IQGAP2: variants seen among roughly 807,000 people sequenced by gnomAD.
IQGAP2 encodes the protein IQ motif containing GTPase activating protein 2.
Under a neutral mutation model 201.3 loss-of-function variants are expected in IQGAP2, and 173 were observed. That is an observed-to-expected ratio of 0.86 (90% CI 0.76 to 0.98). The LOEUF (loss-of-function observed/expected upper bound fraction) is 0.98, where lower values mean the gene tolerates loss of function less well. Among genes scored for constraint, IQGAP2 ranks in the 50% least tolerant of loss-of-function variants. The pLI, the probability that IQGAP2 is intolerant of heterozygous loss-of-function variation, is 0.00. For missense variants in IQGAP2, 1,687 were observed against 1,864.8 expected (o/e 0.90, Z 1.76); for synonymous variants, 675 against 673.9 (o/e 1.00, Z -0.03).
intron 1 of IQGAP2, among the ~76,000 whole-genome samples, chr5:76,457,415 A>T (rs929922714): frequency 2.0e-5 from 3 of 152,176 alleles, no homozygotes; most frequent in South Asian, 2.1e-4. Flanking sequence ...ATATCCCTCA[A>T]ATCTAAGCAT....
At chr5:76,415,228 A>C (rs1032868125) in intron 1 of IQGAP2, among the ~76,000 whole-genome samples, 6 of 152,260 alleles carry the variant, frequency 3.9e-5, no homozygotes, top group Admixed American at 6.5e-5. Flanking sequence ...AATGTGGACA[A>C]AATAGAACAG....
At chr5:76,681,323 G>A (rs533196147) in intron 28 of IQGAP2, among the ~76,000 whole-genome samples, 37 of 152,050 alleles carry the variant, frequency 2.4e-4, no homozygotes, top group Middle Eastern at 3.4e-3. Context: ...CAAATCACAT[G>A]TCTGGTAAAG....
At chr5:76,655,752 A>G (rs1752861469) in intron 20 of IQGAP2, among the ~76,000 whole-genome samples, 2 of 152,214 alleles carry the variant, frequency 1.3e-5, no homozygotes, top group Non-Finnish European at 2.9e-5. Context: ...AAATTTGTAG[A>G]AAGTTTGAAA....
intron 2 of IQGAP2, among the ~76,000 whole-genome samples, chr5:76,553,783 A>G (rs577133581): frequency 6.6e-6 from 1 of 152,304 alleles, no homozygotes; most frequent in African/African-American, 2.4e-5. Flanking sequence ...TTGCTTTGAA[A>G]CAAGACATTC....
chr5:76,624,938 G>T (rs541842614), intron 13 of IQGAP2, among the ~76,000 whole-genome samples: 2 of 152,304 alleles, frequency 1.3e-5, no homozygotes, highest in South Asian at 4.1e-4. Flanking sequence ...GCTGAGCGTG[G>T]TGGCGGGCGC....
rs77945199 is a variant in IQGAP2 at position 76,608,546 on chromosome 5, G to T, written c.1357+2243G>T. Reference sequence around the variant, plus strand: ...GAGGAGCTGAGAATTTTTCATGGACGTTTTGAAGGTGCATTACTCTTGCCT... The same window carrying T: ...GAGGAGCTGAGAATTTTTCATGGACTTTTTGAAGGTGCATTACTCTTGCCT... On this transcript the variant is annotated intron_variant, in intron 12 of 35. Coordinates refer to ENST00000274364, the MANE Select transcript of IQGAP2 (RefSeq NM_006633.5). 8.7e-3 allele frequency among the ~76,000 whole-genome samples: 1,317 copies of T among 152,250 alleles called. 28 individuals are homozygous for T. The highest frequency in any genetic ancestry group is 0.03 in the African/African-American group (1,229 of 41,540).
chr5:76,603,497 G>T (rs1056504959), intron 11 of IQGAP2, among the ~76,000 whole-genome samples: 1 of 152,176 alleles, frequency 6.6e-6, no homozygotes, highest in Non-Finnish European at 1.5e-5. Flanking sequence ...TTTAGTGTTT[G>T]GTTCAGTGCC....
At chr5:76,459,875 G>A (rs757419548) in intron 1 of IQGAP2, among the ~76,000 whole-genome samples, 2 of 152,122 alleles carry the variant, frequency 1.3e-5, no homozygotes, top group Non-Finnish European at 2.9e-5. Context: ...TCCTGACTCA[G>A]TAATCTGCCT....
At chr5:76,431,853 G>GT (rs1752387371) in intron 1 of IQGAP2, among the ~76,000 whole-genome samples, 1 of 149,942 alleles carries the variant, frequency 6.7e-6, no homozygotes, top group East Asian at 2.0e-4. Context: ...CAGTCTTACT[G>GT]TTTTTTGTTC....
rs1179194304 is a variant in IQGAP2 at position 76,418,380 on chromosome 5, G to A, written c.46+14789G>A. Among the ~76,000 whole-genome samples, 3 of 151,890 alleles carry A rather than the reference G, an allele frequency of 2.0e-5. No individual in the cohort carries two copies. The East Asian group carries it at 5.8e-4, about 29-fold the overall frequency. On this transcript the variant is annotated intron_variant, in intron 1 of 35. Transcript: ENST00000274364. The stretch of plus-strand genomic sequence containing the variant: ...TCTTTTACTACGAAGTGTGAATTTT[G>A]AAAACAGAAGTTAATAGTAAGAATC...
At chr5:76,407,260 C>T (rs1453995921) in intron 1 of IQGAP2, among the ~76,000 whole-genome samples, 1 of 152,142 alleles carries the variant, frequency 6.6e-6, no homozygotes, top group Non-Finnish European at 1.5e-5. Context: ...AGTCACCACA[C>T]CTGGCCTGAT....
At chr5:76,433,485 TAAAC>T (rs920700847) in intron 1 of IQGAP2, among the ~76,000 whole-genome samples, 39 of 152,262 alleles carry the variant, frequency 2.6e-4, no homozygotes, top group African/African-American at 8.9e-4. Flanking sequence ...CAAAAACACT[TAAAC>T]AAACAAACAA....
chr5:76,504,123 A>C lies in IQGAP2; in HGVS notation c.146+42454A>C, dbSNP rs573546013. On this transcript the variant is annotated intron_variant, in intron 2 of 35. Transcript: ENST00000274364. ...GACTTTTAGAGCATAGCGTGCTAAC[A>C]AAGAGGAGCTTGCTTCCTCCAAACA... is the stretch of plus-strand genomic sequence containing the variant. Among the ~76,000 whole-genome samples, 21 of 152,310 alleles carry C rather than the reference A, an allele frequency of 1.4e-4. No homozygotes were observed. The East Asian group carries it at 3.7e-3, about 27-fold the overall frequency.
chr5:76,573,650 C>T (rs548031342), intron 4 of IQGAP2, among the ~76,000 whole-genome samples: 49 of 152,310 alleles, frequency 3.2e-4, no homozygotes, highest in African/African-American at 1.2e-3. Context: ...CTCGCTCTGT[C>T]GCCCAGGCTG....
chr5:76,524,118 G>T (rs957620582), intron 2 of IQGAP2, among the ~76,000 whole-genome samples: 4 of 152,180 alleles, frequency 2.6e-5, no homozygotes, highest in South Asian at 2.1e-4. Context: ...AGGCCCCCCA[G>T]TTAAGGCAAA....
chr5:76,606,174 C>A lies in IQGAP2; in HGVS notation c.1233-5C>A. The A allele has an allele frequency of 6.3e-7, 1 of 1,582,590 alleles. No homozygotes were observed. On this transcript the variant is annotated splice_region_variant and splice_polypyrimidine_tract_variant and intron_variant, in intron 11 of 35. Coordinates refer to ENST00000274364, the MANE Select transcript of IQGAP2 (RefSeq NM_006633.5). Reference sequence around the variant, plus strand: ...TTAACATCAAGATTATTTTCTCTTCCACAGTTATGCAAACACACTACTCTC... The same window carrying A: ...TTAACATCAAGATTATTTTCTCTTCAACAGTTATGCAAACACACTACTCTC...
Position 76,702,510 on chromosome 5 carries a change from G to A in IQGAP2, c.4534G>A (p.Ala1512Thr), listed in dbSNP as rs368828240. Residue 1512 changes from alanine (A) to threonine (T), a missense_variant, in exon 35 of 36, where the codon GCT (alanine) becomes ACT (threonine). Transcript: ENST00000274364. The stretch of plus-strand genomic sequence containing the variant: ...TAAGAATGTTACATTTGATATCATA[G>A]CTACTGAAGATGTAGGCATTTTCGA... ...QFKNVTFDIIATEDVGIFDVR... is the reference protein window; with the variant it reads ...QFKNVTFDIITTEDVGIFDVR... 23 of 1,576,338 alleles carry A rather than the reference G, an allele frequency of 1.5e-5. No individual in the cohort carries two copies. The highest frequency in any genetic ancestry group is 2.0e-5 in the Non-Finnish European group (23 of 1,145,746).
intron 2 of IQGAP2, among the ~76,000 whole-genome samples, chr5:76,500,085 G>A (rs1415568836): frequency 2.6e-5 from 4 of 152,108 alleles, no homozygotes; most frequent in African/African-American, 7.2e-5. Context: ...TCCAACCTAG[G>A]TGACAGAGAG....
chr5:76,509,984 C>CTTTTTTTTTTTTTTTTTTTT (rs11331690), intron 2 of IQGAP2, among the ~76,000 whole-genome samples: 3 of 138,054 alleles, frequency 2.2e-5, no homozygotes, highest in Non-Finnish European at 3.1e-5. Flanking sequence ...AATTTTCTTT[C>CTTTTTTTTTTTTTTTTTTTT]TTTTTTTTTT....
Sources: allele counts gnomAD v4.1 joint callset (sites outside exome capture counted in the v4.1 genomes callset), GRCh38; gene constraint gnomAD v4.1.1; transcripts MANE v1.5; gene names NCBI Gene and HGNC (gene_info 2026-07-23, HGNC 2026-07-21).